The following DNAH1 variants were observed in gnomAD, a reference collection of about 807,000 sequenced individuals.
The protein encoded by DNAH1 is axonemal beta dynein heavy chain 1.
Under a neutral mutation model 484.3 loss-of-function variants are expected in DNAH1, and 327 were observed. The observed-to-expected ratio is 0.68, with a 90% CI of 0.62 to 0.74. The LOEUF is 0.74. Ranked by LOEUF, DNAH1 falls within the 30% of genes least tolerant of loss-of-function variation. The probability of loss-of-function intolerance (pLI) is 0.00; values close to 1 mark genes in which losing one functional copy is unlikely to be tolerated. For missense variants in DNAH1, 5,052 were observed against 5,546.8 expected, an observed-to-expected ratio of 0.91 and a Z score of 2.83; for synonymous variants, 2,192 against 2,191.9, an observed-to-expected ratio of 1.00 and a Z score of 0.00.
upstream of DNAH1, among the ~76,000 whole-genome samples, chr3:52,311,387 A>G (rs928117267): frequency 6.6e-6 from 1 of 152,238 alleles, no homozygotes; most frequent in Admixed American, 6.5e-5. Flanking sequence ...TTTGCCTCCC[A>G]GGGCAATGGC....
At position 52,361,955 on chromosome 3, in the gene DNAH1, C is replaced by A. The variant is rs758276012; in HGVS notation, c.4980+189C>A. 6.6e-6 allele frequency among the ~76,000 whole-genome samples: 1 copy of A among 152,238 alleles called. No homozygotes were observed. Among genetic ancestry groups the A allele is most frequent in the Non-Finnish European group, 1.5e-5 (1 of 68,042 alleles). On this transcript the variant is annotated intron_variant, in intron 30 of 77. Transcript: ENST00000420323. The surrounding 1 kb of genome is among the most constrained non-coding windows in gnomAD (Gnocchi z 5.6). ...CCAAGCTGCGGGGGATGAAGGGGTCCCCTCCTCATTACATCCTGACCTTTA... is the reference window on the plus strand; with the variant it reads ...CCAAGCTGCGGGGGATGAAGGGGTCACCTCCTCATTACATCCTGACCTTTA...
chr3:52,354,935 C>T lies in DNAH1; in HGVS notation c.3573C>T (p.Asp1191=), dbSNP rs541334137. Residue 1191 remains aspartate, a synonymous_variant, in exon 21 of 78, where the codon GAC becomes GAT. Transcript: ENST00000420323. The part of the protein sequence containing the change: ...ATDTYILKSP[D]EASQLLDDHI... ...ACACCTACATCCTGAAGAGCCCGGACGAGGCCTCACAGCTGCTGGACGACC... is the reference window on the plus strand; with the variant it reads ...ACACCTACATCCTGAAGAGCCCGGATGAGGCCTCACAGCTGCTGGACGACC... 38 of 1,614,006 alleles carry T rather than the reference C, an allele frequency of 2.4e-5. No homozygotes were observed. The highest frequency in any genetic ancestry group is 1.4e-4 in the South Asian group (13 of 91,080).
intron 50 of DNAH1, 90 bp from the exon 51 acceptor site, chr3:52,383,296 A>G: frequency 8.4e-7 from 1 of 1,189,470 alleles, no homozygotes; most frequent in Admixed American, 2.0e-5. Flanking sequence ...ACAGTCTGTC[A>G]AATGGAGCTG....
rs1170289417 is a variant in DNAH1 at position 52,318,091 on chromosome 3, G to A, written c.-35+1546G>A. 2.6e-5 allele frequency among the ~76,000 whole-genome samples: 4 copies of A among 152,192 alleles called. No homozygotes were observed. The East Asian group carries it at 5.8e-4, about 22-fold the overall frequency. ...TTTTGAGACGGAGTCTCGCTCTGTC[G>A]CCCAGGCTGGAGTGCAATGGCGCGA... On this transcript the variant is annotated intron_variant, in intron 1 of 77. Transcript: ENST00000420323.
intron 3 of DNAH1, among the ~76,000 whole-genome samples, chr3:52,325,724 G>T (rs1056703657): frequency 2.0e-5 from 3 of 152,306 alleles, no homozygotes; most frequent in South Asian, 4.1e-4. Flanking sequence ...CTCAGGGAAT[G>T]AATATCAGAC....
At chr3:52,380,224 C>A in intron 48 of DNAH1, 89 bp downstream of exon 48, 1 of 1,146,970 alleles carries the variant, frequency 8.7e-7, no homozygotes, top group Non-Finnish European at 1.2e-6. Flanking sequence ...TCACCACTAA[C>A]AGACTACCAC....
intron 35 of DNAH1, 57 bp downstream of exon 35, chr3:52,366,605 C>T: frequency 6.4e-7 from 1 of 1,554,008 alleles, no homozygotes; most frequent in Non-Finnish European, 8.7e-7. Context: ...TAGGGGGGTG[C>T]AGCTTCAACA....
chr3:52,324,127 G>A (rs568618552), intron 3 of DNAH1, among the ~76,000 whole-genome samples: 1 of 152,276 alleles, frequency 6.6e-6, no homozygotes, highest in South Asian at 2.1e-4. Flanking sequence ...GCTGCCAGGG[G>A]TCAGAGCCAC....
rs567650320 is a variant in DNAH1, at chr3:52,317,416, C to T, written c.-35+871C>T. Among the ~76,000 whole-genome samples, 283 of 152,260 alleles carry T rather than the reference C, an allele frequency of 1.9e-3. 3 individuals are homozygous for T. The highest frequency in any genetic ancestry group is 7.5e-3 in the South Asian group (36 of 4,830). On this transcript the variant is annotated intron_variant, in intron 1 of 77. Coordinates refer to ENST00000420323, the MANE Select transcript of DNAH1 (RefSeq NM_015512.5). ...AATGGGTGGGTGTGGCTTTGTGAGC[C>T]AAGCCCCAGGAGAACCAGAACCCAC...
chr3:52,360,211 A>C, intron 27 of DNAH1, 100 bp from the exon 28 acceptor site: 1 of 1,492,898 alleles, frequency 6.7e-7, no homozygotes, highest in Non-Finnish European at 9.2e-7. Flanking sequence ...TGGGTACCTT[A>C]ATGCCCTCAT....
intron 10 of DNAH1, among the ~76,000 whole-genome samples, chr3:52,346,107 C>T (rs1173760053): frequency 1.3e-5 from 2 of 152,196 alleles, no homozygotes; most frequent in African/African-American, 4.8e-5. Flanking sequence ...GTCTGTCTCT[C>T]CACCTTATTC....
chr3:52,330,322 A>T (rs879621233), intron 6 of DNAH1, among the ~76,000 whole-genome samples: 3 of 152,152 alleles, frequency 2.0e-5, no homozygotes, highest in Admixed American at 6.5e-5. Context: ...CCAGGAGCTG[A>T]TGCATAAGTA....
Position 52,386,801 on chromosome 3 carries a change from G to A in DNAH1, c.8951G>A (p.Gly2984Glu). The A allele has an allele frequency of 6.3e-7, 1 of 1,592,324 alleles. No homozygotes were observed. The highest frequency in any genetic ancestry group is 8.5e-7 in the Non-Finnish European group (1 of 1,169,780). Residue 2984 changes from glycine to glutamate, a missense_variant, in exon 56 of 78, where the codon GGG becomes GAG. Coordinates refer to ENST00000420323, the MANE Select transcript of DNAH1 (RefSeq NM_015512.5). Reference protein sequence around the residue: ...KVDDYWEPGKGLLQDPGHFLE... With the variant: ...KVDDYWEPGKELLQDPGHFLE... Reference sequence around the variant, plus strand: ...GATGACTACTGGGAGCCTGGCAAGGGGCTGCTGCAGGACCCGGGCCACTTC... The same window carrying A: ...GATGACTACTGGGAGCCTGGCAAGGAGCTGCTGCAGGACCCGGGCCACTTC...
intron 5 of DNAH1, among the ~76,000 whole-genome samples, chr3:52,327,168 T>C (rs1458402854): frequency 6.6e-6 from 1 of 151,934 alleles, no homozygotes; most frequent in Admixed American, 6.5e-5. Context: ...ATGGGCAACC[T>C]AGATGCGGCC....
In DNAH1 at chr3:52,357,997, C is replaced by T. The variant is rs199624371; in HGVS notation, c.4080C>T (p.Ile1360=). 281 of 1,603,872 alleles carry T rather than the reference C, an allele frequency of 1.8e-4. No homozygotes were observed. In the African/African-American group the frequency reaches 2.6e-3, roughly 15 times the overall value. The part of the protein sequence containing the change: ...QPHLRKCFEN[I]ARLLFQEDLE... ...ACCTGCGCAAGTGCTTCGAGAACAT[C>T]GCTCGGGTGGGCAGCTGGGCCCGGG... Residue 1360 remains isoleucine (I), a synonymous_variant, in exon 24 of 78, where the codon ATC becomes ATT. Transcript: ENST00000420323.
At position 52,368,695 on chromosome 3, in the gene DNAH1, C is replaced by T. The variant is rs1417453192; in HGVS notation, c.5766-46C>T. 6.3e-7 allele frequency: 1 copy of T among 1,582,306 alleles called. No individual in the cohort carries two copies. ...CCCTGGGAGCCAGCTGTGCTCGAAG[C>T]ACCGCCTCCCTGATGTTTCCAGCCC... On this transcript the variant is annotated intron_variant, in intron 36 of 77. Transcript: ENST00000420323. The surrounding 1 kb of genome is among the most constrained non-coding windows in gnomAD (Gnocchi z 4.4).
rs774829430 is a variant in DNAH1, at chr3:52,356,806, GCTGGGATCCCCAAGGGCCCTGGTCA to G, written c.3858+30_3858+54del. ...AAGCTCAATGAGGGTGGGAGGGGCA[GCTGGGATCCCCAAGGGCCCTGGTCA>G]CATTGCTGGTAGCCTCCTAGTCTCT... On this transcript the variant is annotated intron_variant, in intron 22 of 77. Transcript: ENST00000420323. 1.1e-5 allele frequency: 17 copies of G among 1,573,194 alleles called. No homozygotes were observed. In the South Asian group the frequency reaches 2.0e-4, roughly 18 times the overall value.
At position 52,367,477 on chromosome 3, in the gene DNAH1, TC is replaced by T. The variant is rs963377058; in HGVS notation, c.5765+595del. 5.3e-5 allele frequency among the ~76,000 whole-genome samples: 8 copies of T among 151,770 alleles called. 1 individual carries two copies. Among genetic ancestry groups the T allele is most frequent in the Non-Finnish European group, 1.5e-5 (1 of 67,980 alleles). On this transcript the variant is annotated intron_variant, in intron 36 of 77. Transcript: ENST00000420323. The stretch of plus-strand genomic sequence containing the variant: ...CTTCCCCCATTTCTGGTGAAGATTC[TC>T]CCCCATATCCACTCCAGTCTCTTAT...
chr3:52,365,009 G>A lies in DNAH1; in HGVS notation c.5508G>A (p.Lys1836=), dbSNP rs754526811. ...AGGCCTGCAGGAACAGCAACCTCAAGGATGTGGAGGGTGAGCCTCGGGCCC... is the reference window on the plus strand; with the variant it reads ...AGGCCTGCAGGAACAGCAACCTCAAAGATGTGGAGGGTGAGCCTCGGGCCC... The part of the protein sequence containing the change: ...IREACRNSNL[K]DVEGFLTKCI... The change falls in exon 34 of 78, where the codon AAG becomes AAA. Residue 1836 remains lysine (K), a synonymous_variant. Coordinates refer to ENST00000420323, the MANE Select transcript of DNAH1 (RefSeq NM_015512.5). 4 of 1,609,024 alleles carry A rather than the reference G, an allele frequency of 2.5e-6. No homozygotes were observed. Among genetic ancestry groups the A allele is most frequent in the Non-Finnish European group, 3.4e-6 (4 of 1,176,020 alleles).
Sources: allele counts gnomAD v4.1 joint callset (sites outside exome capture counted in the v4.1 genomes callset), GRCh38; gene constraint gnomAD v4.1.1; non-coding constraint Gnocchi (gnomAD v3.1); transcripts MANE v1.5; gene names NCBI Gene and HGNC (gene_info 2026-07-23, HGNC 2026-07-21).